SNRPD1: variants seen among roughly 807,000 people sequenced by gnomAD.
SNRPD1 encodes the protein small nuclear ribonucleoprotein D1 polypeptide, also known as small nuclear ribonucleoprotein Sm D1.
SNRPD1 carries 1 observed loss-of-function variant against 14.4 expected under a neutral mutation model. The ratio of observed to expected loss-of-function variants is 0.07; its 90% CI spans 0.02 to 0.33. The LOEUF (loss-of-function observed/expected upper bound fraction) is 0.33. Among genes scored for constraint, SNRPD1 ranks in the 10% least tolerant of loss-of-function variants. The probability of loss-of-function intolerance (pLI) is 1.00; values close to 1 mark genes in which losing one functional copy is unlikely to be tolerated. For missense variants in SNRPD1, 52 were observed against 146.4 expected (o/e 0.36, Z 3.33); for synonymous variants, 42 against 50.3 (o/e 0.83, Z 0.70).
In SNRPD1 at chr18:21,623,890, A is replaced by G. The variant is rs775855047; in HGVS notation, c.234A>G (p.Thr78=). ...FILPDSLPLD[T]LLVDVEPKVK... ...TACCAGACAGTTTACCTCTGGATAC[A>G]CTACTTGTGGATGTTGAACCTAAGG... The change falls in exon 3 of 4, where the codon ACA becomes ACG. Residue 78 remains threonine (T), a synonymous_variant. Coordinates refer to ENST00000300413, the MANE Select transcript of SNRPD1 (RefSeq NM_006938.4). The G allele has an allele frequency of 2.9e-5, 46 of 1,610,492 alleles. No individual in the cohort carries two copies. Among genetic ancestry groups the G allele is most frequent in the Middle Eastern group, 1.7e-4 (1 of 6,060 alleles).
In SNRPD1 at chr18:21,629,013, C is replaced by T. The variant is rs369048560; in HGVS notation, c.284-49C>T. On this transcript the variant is annotated intron_variant, in intron 3 of 3. Transcript: ENST00000300413. ...AATGTTGTTTGTGGTGTCTAGGTAACATTGGTGCAGGAGAGAATTGAACTT... is the reference window on the plus strand; with the variant it reads ...AATGTTGTTTGTGGTGTCTAGGTAATATTGGTGCAGGAGAGAATTGAACTT... 14 of 1,412,342 alleles carry T rather than the reference C, an allele frequency of 9.9e-6. No homozygotes were observed. In the African/African-American group the frequency reaches 1.6e-4, roughly 16 times the overall value. The allele number at this position is 1,412,342 out of a possible 1,614,324, so 87.5% of individuals were successfully genotyped here. A position where few individuals can be genotyped will look rare whatever the true frequency, so the allele number is the denominator to read the frequency against.
chr18:21,616,983 G>C (rs2038962527), intron 1 of SNRPD1, among the ~76,000 whole-genome samples: 1 of 152,058 alleles, frequency 6.6e-6, no homozygotes, highest in African/African-American at 2.4e-5. Flanking sequence ...ACTGTGCCCA[G>C]CCTATATCTG....
At chr18:21,619,477 T>A (rs1349250045) in intron 1 of SNRPD1, among the ~76,000 whole-genome samples, 1 of 146,936 alleles carries the variant, frequency 6.8e-6, no homozygotes, top group South Asian at 2.4e-4. Context: ...CCACCACACC[T>A]GGCGAAGACT....
chr18:21,622,683 T>G (rs1157433000), intron 1 of SNRPD1, 42 bp from the exon 2 acceptor site: 1 of 943,790 alleles, frequency 1.1e-6, no homozygotes, highest in Non-Finnish European at 1.7e-6. Context: ...AAATGTGATT[T>G]TAAAGTGTTA....
intron 3 of SNRPD1, among the ~76,000 whole-genome samples, chr18:21,624,987 T>C (rs1375816972): frequency 6.6e-6 from 1 of 152,174 alleles, no homozygotes; most frequent in African/African-American, 2.4e-5. Flanking sequence ...AGAAAAAGTC[T>C]GTATGTGTTT....
intron 3 of SNRPD1, among the ~76,000 whole-genome samples, chr18:21,625,064 G>T (rs1224090644): frequency 6.6e-6 from 1 of 152,036 alleles, no homozygotes; most frequent in East Asian, 1.9e-4. Context: ...ATCCATGGAT[G>T]TGCAACCCAT....
chr18:21,614,796 A>G (rs2038945540), intron 1 of SNRPD1, among the ~76,000 whole-genome samples: 1 of 152,218 alleles, frequency 6.6e-6, no homozygotes, highest in Non-Finnish European at 1.5e-5. Context: ...CTAAGTGGAA[A>G]GAATTCAGAC....
chr18:21,615,998 G>A (rs2038954283), intron 1 of SNRPD1, among the ~76,000 whole-genome samples: 1 of 151,986 alleles, frequency 6.6e-6, no homozygotes, highest in Non-Finnish European at 1.5e-5. Flanking sequence ...TTATTTGTTT[G>A]TTTTTGAGGC....
At chr18:21,622,352 GGAT>G (rs908964591) in intron 1 of SNRPD1, among the ~76,000 whole-genome samples, 1 of 152,090 alleles carries the variant, frequency 6.6e-6, no homozygotes, top group African/African-American at 2.4e-5. Context: ...ATGTTAGCCA[GGAT>G]GATCTCGATC....
intron 1 of SNRPD1, among the ~76,000 whole-genome samples, chr18:21,617,927 TCA>T (rs922075199): frequency 1.7e-4 from 26 of 152,216 alleles, no homozygotes; most frequent in African/African-American, 5.8e-4. Flanking sequence ...TGCAATGAGC[TCA>T]GATTGAGATT....
intron 3 of SNRPD1, among the ~76,000 whole-genome samples, chr18:21,627,627 C>G (rs1234354792): frequency 1.3e-5 from 2 of 151,820 alleles, no homozygotes; most frequent in Non-Finnish European, 2.9e-5. Context: ...TTTTACAACA[C>G]CCCTCCAACT....
In SNRPD1 at chr18:21,627,686, A is replaced by G. The variant is rs1287524518; in HGVS notation, c.284-1376A>G. The stretch of plus-strand genomic sequence containing the variant: ...TTTTTAAACACTTCATTTTGAAATA[A>G]TTTTAGACACAAAAAGTTGCAAAAA... On this transcript the variant is annotated intron_variant, in intron 3 of 3. Transcript: ENST00000300413. Among the ~76,000 whole-genome samples, 13 of 152,174 alleles carry G rather than the reference A, an allele frequency of 8.5e-5. No homozygotes were observed. In the East Asian group the frequency reaches 2.5e-3, roughly 29 times the overall value.
chr18:21,625,582 C>G (rs541079049), intron 3 of SNRPD1, among the ~76,000 whole-genome samples: 1 of 152,060 alleles, frequency 6.6e-6, no homozygotes, highest in Non-Finnish European at 1.5e-5. Flanking sequence ...TTCCAAAGTG[C>G]TGGGATTACA....
chr18:21,616,599 A>T (rs1040183554), intron 1 of SNRPD1, among the ~76,000 whole-genome samples: 2 of 135,842 alleles, frequency 1.5e-5, no homozygotes, highest in Non-Finnish European at 3.2e-5. Flanking sequence ...CTTGTGATCC[A>T]CCCGCCTTGG....
At chr18:21,613,947 A>G (rs773391544) in intron 1 of SNRPD1, among the ~76,000 whole-genome samples, 14 of 151,460 alleles carry the variant, frequency 9.2e-5, no homozygotes, top group African/African-American at 4.9e-5. Context: ...TATTTGAACT[A>G]TAACTTTGGA....
chr18:21,612,695 T>G (rs2038927980), intron 1 of SNRPD1, among the ~76,000 whole-genome samples: 1 of 152,264 alleles, frequency 6.6e-6, no homozygotes, highest in Non-Finnish European at 1.5e-5. Context: ...ACTTAGAGGC[T>G]TTAAAGATGC....
At chr18:21,615,806 T>C (rs2038953159) in intron 1 of SNRPD1, among the ~76,000 whole-genome samples, 1 of 152,220 alleles carries the variant, frequency 6.6e-6, no homozygotes, top group South Asian at 2.1e-4. Context: ...TTTAGCTTTT[T>C]AAGAAATTTC....
At chr18:21,625,252 A>T (rs142407732) in intron 3 of SNRPD1, among the ~76,000 whole-genome samples, 225 of 145,288 alleles carry the variant, frequency 1.5e-3, no homozygotes, top group African/African-American at 5.6e-3. Flanking sequence ...TTCAGAAGTT[A>T]TTCTTCCTTT....
At chr18:21,633,515 ACTTT>A (rs1177634781) in exon 4 of SNRPD1, 1 of 152,056 alleles carries the variant, frequency 6.6e-6, no homozygotes, top group Non-Finnish European at 1.5e-5. Flanking sequence ...AAAGAGGAGT[ACTTT>A]CTTTTCGTTT....
Sources: allele counts gnomAD v4.1 joint callset (sites outside exome capture counted in the v4.1 genomes callset), GRCh38; gene constraint gnomAD v4.1.1; transcripts MANE v1.5; gene names NCBI Gene and HGNC (gene_info 2026-07-23, HGNC 2026-07-21).